The following SPATS2 variants were observed in gnomAD, a reference collection of about 807,000 sequenced individuals.
SPATS2 encodes spermatogenesis associated serine rich 2, also known as spermatogenesis-associated serine-rich protein 2.
A neutral mutation model predicts 63.7 loss-of-function variants in SPATS2; 38 were observed. The observed-to-expected ratio is 0.60, with a 90% CI of 0.46 to 0.78. The LOEUF (loss-of-function observed/expected upper bound fraction) is 0.78, where lower values mean the gene tolerates loss of function less well. Ranked by LOEUF, SPATS2 falls within the 30% of genes least tolerant of loss-of-function variation. The pLI is 0.00. For synonymous variants in SPATS2, 207 were observed against 232.9 expected (o/e 0.89, Z 1.01); for missense variants, 588 against 666.2 (o/e 0.88, Z 1.29).
At chr12:49,420,371 A>G (rs1324857543) in intron 2 of SPATS2, among the ~76,000 whole-genome samples, 2 of 152,198 alleles carry the variant, frequency 1.3e-5, no homozygotes, top group African/African-American at 4.8e-5. Flanking sequence ...CGGCCAGCAG[A>G]CCACCTGAGG....
chr12:49,460,270 A>G (rs900454399), intron 2 of SPATS2, among the ~76,000 whole-genome samples: 6 of 152,160 alleles, frequency 3.9e-5, no homozygotes, highest in Non-Finnish European at 5.9e-5. Context: ...CCTGGTCAAC[A>G]TGGTGAAACC....
intron 6 of SPATS2, among the ~76,000 whole-genome samples, chr12:49,493,099 T>TAA (rs559171414): frequency 7.9e-6 from 1 of 126,424 alleles, no homozygotes; most frequent in South Asian, 2.5e-4. Flanking sequence ...ACTCCGTCTT[T>TAA]AAAAAAAAAA....
At chr12:49,407,808 T>A (rs1944722600) in intron 2 of SPATS2, among the ~76,000 whole-genome samples, 1 of 152,228 alleles carries the variant, frequency 6.6e-6, no homozygotes, top group Admixed American at 6.5e-5. Context: ...ACCTACTGCC[T>A]CTTTTTGTAA....
chr12:49,452,468 A>C (rs552497746), intron 2 of SPATS2, among the ~76,000 whole-genome samples: 1 of 152,238 alleles, frequency 6.6e-6, no homozygotes, highest in Admixed American at 6.5e-5. Flanking sequence ...TTATAGAGAC[A>C]GCGTCTCACT....
At chr12:49,466,190 GTCTC>G (rs796606094) in intron 3 of SPATS2, among the ~76,000 whole-genome samples, 3 of 151,796 alleles carry the variant, frequency 2.0e-5, no homozygotes, top group Non-Finnish European at 2.9e-5. Flanking sequence ...TTGAAACGGA[GTCTC>G]TCTCTGTCAC....
intron 2 of SPATS2, among the ~76,000 whole-genome samples, chr12:49,431,836 C>T (rs1945191238): frequency 6.6e-6 from 1 of 151,740 alleles, no homozygotes; most frequent in African/African-American, 2.4e-5. Flanking sequence ...AGTTTGAGAC[C>T]AGCATGAGCA....
At chr12:49,489,383 CTT>C (rs1946347410) in intron 4 of SPATS2, 80 bp from the exon 5 acceptor site, 1 of 996,092 alleles carries the variant, frequency 1.0e-6, no homozygotes, top group African/African-American at 1.6e-5. Flanking sequence ...AAATATCACT[CTT>C]TTCATTATTC....
At chr12:49,438,104 CT>C (rs1945350157) in intron 2 of SPATS2, among the ~76,000 whole-genome samples, 1 of 152,074 alleles carries the variant, frequency 6.6e-6, no homozygotes, top group African/African-American at 2.4e-5. Context: ...TCCCTGATGT[CT>C]TTTCTCAGAG....
At chr12:49,502,443 T>G (rs901834687) in intron 9 of SPATS2, among the ~76,000 whole-genome samples, 1 of 152,132 alleles carries the variant, frequency 6.6e-6, no homozygotes, top group African/African-American at 2.4e-5. Flanking sequence ...TTTAATGTCA[T>G]GTCTTCTGTT....
intron 2 of SPATS2, among the ~76,000 whole-genome samples, chr12:49,458,162 A>AT (rs1945752678): frequency 6.6e-6 from 1 of 152,112 alleles, no homozygotes; most frequent in Non-Finnish European, 1.5e-5. Context: ...CATAATCCTT[A>AT]TAATGCTTAA....
At chr12:49,462,824 G>C (rs1046276811) in intron 3 of SPATS2, 2 of 259,364 alleles carry the variant, frequency 7.7e-6, no homozygotes, top group Non-Finnish European at 1.5e-5. Context: ...ACATCCTGAC[G>C]TCCAGCTAGT....
At chr12:49,491,192 A>G (rs1025481692) in intron 6 of SPATS2, 1 of 158,696 alleles carries the variant, frequency 6.3e-6, no homozygotes, top group African/African-American at 2.4e-5. Context: ...TGTGTCTCAC[A>G]GAGTACCACA....
intron 8 of SPATS2, among the ~76,000 whole-genome samples, chr12:49,498,145 A>AAAAAATATATATATATAT (rs66900382): frequency 9.1e-5 from 9 of 98,954 alleles, no homozygotes; most frequent in African/African-American, 2.0e-4. Flanking sequence ...AAAAAAAAAA[A>AAAAAATATATATATATAT]ATATATATAT....
At chr12:49,387,445 C>T (rs1269080540) in intron 2 of SPATS2, among the ~76,000 whole-genome samples, 3 of 151,368 alleles carry the variant, frequency 2.0e-5, no homozygotes, top group Non-Finnish European at 4.4e-5. Flanking sequence ...GGGACCAGCC[C>T]GACCAACTTG....
intron 2 of SPATS2, among the ~76,000 whole-genome samples, chr12:49,413,956 CATT>C (rs1339130652): frequency 1.3e-5 from 2 of 152,176 alleles, no homozygotes; most frequent in African/African-American, 4.8e-5. Flanking sequence ...AGTTCTGTAA[CATT>C]ATTGGAGGGA....
chr12:49,464,762 G>T (rs950997178), intron 3 of SPATS2, among the ~76,000 whole-genome samples: 1 of 151,800 alleles, frequency 6.6e-6, no homozygotes, highest in Non-Finnish European at 1.5e-5. Flanking sequence ...CCAGGAATTT[G>T]AGGCTACAGT....
chr12:49,435,329 C>CTT lies in SPATS2; in HGVS notation c.-243-25430_-243-25429dup, dbSNP rs1330738030. ...ACAGGCGTGAGCCACTGTGCCTGGCCTTTTTTTTTTTTAAAGATAAGGTCT... is the reference window on the plus strand; with the variant it reads ...ACAGGCGTGAGCCACTGTGCCTGGCCTTTTTTTTTTTTTTAAAGATAAGGTCT... On this transcript the variant is annotated intron_variant, in intron 2 of 13. Coordinates refer to ENST00000552918, the MANE Select transcript of SPATS2 (RefSeq NM_023071.4). 5.0e-5 allele frequency among the ~76,000 whole-genome samples: 6 copies of CTT among 120,582 alleles called. No individual in the cohort carries two copies. The South Asian group carries it at 1.1e-3, about 21-fold the overall frequency. The allele number at this position is 120,582 out of a possible 152,430, so 79.1% of individuals were successfully genotyped here.
intron 3 of SPATS2, among the ~76,000 whole-genome samples, chr12:49,464,141 C>A (rs1301960259): frequency 6.6e-6 from 1 of 152,098 alleles, no homozygotes. Context: ...TTAAAATTTG[C>A]CCAAGTGTAT....
chr12:49,490,198 T>C (rs1269456135), intron 5 of SPATS2: 1 of 153,546 alleles, frequency 6.5e-6, no homozygotes, highest in African/African-American at 2.4e-5. Context: ...TCTGCCAACA[T>C]AGGATGCACA....
Sources: gnomAD v4.1 joint callset for allele counts (sites outside exome capture counted in the v4.1 genomes callset) on GRCh38, gnomAD v4.1.1 for gene constraint, MANE v1.5 for transcripts, NCBI Gene and HGNC (gene_info 2026-07-23, HGNC 2026-07-21) for gene names.